Variants in LRP1B observed in about 807,000 individuals in gnomAD.
The protein encoded by LRP1B is low-density lipoprotein receptor-related protein 1B.
A neutral mutation model predicts 556.6 loss-of-function variants in LRP1B; 217 were observed. That is an observed-to-expected ratio of 0.39 (90% CI 0.35 to 0.44). The LOEUF is 0.44. LRP1B is among the 20% of genes least tolerant of loss of function. The probability of loss-of-function intolerance (pLI) is 1.00; values close to 1 mark genes in which losing one functional copy is unlikely to be tolerated. For synonymous variants in LRP1B, 2,047 were observed against 1,865.8 expected (o/e 1.10, Z -2.50); for missense variants, 5,053 against 5,620.8 (o/e 0.90, Z 3.23).
intron 7 of LRP1B, 50 bp from the exon 8 acceptor site, chr2:141,062,323 C>A (rs192321836): frequency 3.2e-6 from 4 of 1,243,904 alleles, no homozygotes; most frequent in East Asian, 4.7e-5. Context: ...GAGGGAAGCA[C>A]GTTTGATGGA....
chr2:141,316,406 T>A (rs984736145), intron 3 of LRP1B, among the ~76,000 whole-genome samples: 16 of 152,200 alleles, frequency 1.1e-4, no homozygotes, highest in African/African-American at 3.6e-4. Flanking sequence ...GCTCAGAGTT[T>A]TCAATATCCT....
At chr2:140,249,657 T>C (rs2104904038) in intron 86 of LRP1B, among the ~76,000 whole-genome samples, 1 of 151,906 alleles carries the variant, frequency 6.6e-6, no homozygotes, top group East Asian at 1.9e-4. Context: ...TGGCCAAAGA[T>C]AAAATATGTT....
intron 6 of LRP1B, among the ~76,000 whole-genome samples, chr2:141,202,152 A>AC (rs1430935857): frequency 6.6e-6 from 1 of 151,802 alleles, no homozygotes; most frequent in Non-Finnish European, 1.5e-5. Context: ...TGTTGCCCCC[A>AC]CCTCATGCGT....
At chr2:141,645,507 T>C (rs1689528183) in intron 2 of LRP1B, among the ~76,000 whole-genome samples, 1 of 149,680 alleles carries the variant, frequency 6.7e-6, no homozygotes, top group Non-Finnish European at 1.5e-5. Context: ...GGTTTTGACT[T>C]TGTTTATTTT....
chr2:141,502,784 G>C (rs1260106454), intron 2 of LRP1B, among the ~76,000 whole-genome samples: 1 of 151,794 alleles, frequency 6.6e-6, no homozygotes, highest in Admixed American at 6.6e-5. Flanking sequence ...GGTTGAACCC[G>C]GGAGGCGGAG....
At chr2:141,795,378 G>A (rs1256118463) in intron 2 of LRP1B, among the ~76,000 whole-genome samples, 1 of 152,000 alleles carries the variant, frequency 6.6e-6, no homozygotes, top group East Asian at 1.9e-4. Context: ...GTGTGTACAT[G>A]CATGTGTGTG....
chr2:141,231,377 G>A (rs191395446), intron 5 of LRP1B, among the ~76,000 whole-genome samples: 135 of 152,230 alleles, frequency 8.9e-4, no homozygotes, highest in Non-Finnish European at 1.7e-3. Flanking sequence ...TTCATGCATT[G>A]GCATTTTTAT....
intron 3 of LRP1B, among the ~76,000 whole-genome samples, chr2:141,295,618 A>G (rs191164100): frequency 6.6e-6 from 1 of 152,238 alleles, no homozygotes; most frequent in Non-Finnish European, 1.5e-5. Context: ...GAGATTCAGT[A>G]GGACACTGGT....
rs568766362 is a variant in LRP1B at position 141,121,539 on chromosome 2, CA to C, written c.1014-59267del. ...ATAAAATACCTAGGAATCCAACTTA[CA>C]AGGGATGTGAAGGACCTCTTCAAGG... On this transcript the variant is annotated intron_variant, in intron 7 of 90. Transcript: ENST00000389484. 9.2e-5 allele frequency among the ~76,000 whole-genome samples: 14 copies of C among 152,088 alleles called. No homozygotes were observed. The South Asian group carries it at 1.9e-3, about 20-fold the overall frequency.
At chr2:141,060,636 G>A (rs557815583) in intron 8 of LRP1B, among the ~76,000 whole-genome samples, 1 of 151,824 alleles carries the variant, frequency 6.6e-6, no homozygotes, top group East Asian at 2.0e-4. Context: ...TAACCCAGGA[G>A]AAAAAGCCTG....
intron 2 of LRP1B, among the ~76,000 whole-genome samples, chr2:141,687,951 A>T (rs1049126955): frequency 1.3e-5 from 2 of 151,758 alleles, no homozygotes; most frequent in African/African-American, 4.8e-5. Flanking sequence ...ACATTTGCTC[A>T]AATGTAATTT....
intron 57 of LRP1B, among the ~76,000 whole-genome samples, chr2:140,487,942 T>C (rs1225377487): frequency 6.6e-6 from 1 of 152,022 alleles, no homozygotes; most frequent in East Asian, 1.9e-4. Context: ...ACTATATTAA[T>C]TTGAAAATAT....
At chr2:141,332,598 G>T (rs1475240394) in intron 3 of LRP1B, among the ~76,000 whole-genome samples, 2 of 151,632 alleles carry the variant, frequency 1.3e-5, no homozygotes, top group Admixed American at 6.6e-5. Context: ...CACTGTTCTG[G>T]GTTCTGTCTG....
At chr2:141,612,604 C>G (rs1185507369) in intron 2 of LRP1B, among the ~76,000 whole-genome samples, 1 of 151,988 alleles carries the variant, frequency 6.6e-6, no homozygotes, top group African/African-American at 2.4e-5. Context: ...AGAAATACAC[C>G]CAAAGTTACC....
Position 141,049,157 on chromosome 2 carries a change from A to G in LRP1B, c.1618T>C (p.Leu540=). ...TATTCATCAGCTATCTTGGTATTCA[A>G]GTCCATTCCTCTAACAATTCCTGGG... The part of the protein sequence containing the change: ...GRPGIVRGMD[L]NTKIADEYMI... Residue 540 remains leucine (L), a synonymous_variant, in exon 11 of 91, where the codon TTG becomes CTG. Transcript: ENST00000389484. The G allele has an allele frequency of 6.2e-7, 1 of 1,613,604 alleles. No individual in the cohort carries two copies. Among genetic ancestry groups the G allele is most frequent in the Admixed American group, 1.7e-5 (1 of 59,920 alleles).
chr2:141,474,664 G>A (rs1307465796), intron 3 of LRP1B, among the ~76,000 whole-genome samples: 3 of 152,036 alleles, frequency 2.0e-5, no homozygotes, highest in Non-Finnish European at 4.4e-5. Context: ...TTAAGGAGTT[G>A]GTTGTTATAT....
chr2:141,434,727 A>T (rs1680690308), intron 3 of LRP1B, among the ~76,000 whole-genome samples: 1 of 148,340 alleles, frequency 6.7e-6, no homozygotes, highest in South Asian at 2.3e-4. Context: ...CTTCATACGA[A>T]TCCTAGCTGG....
intron 21 of LRP1B, among the ~76,000 whole-genome samples, chr2:140,910,104 A>T (rs1309342888): frequency 6.6e-6 from 1 of 151,408 alleles, no homozygotes; most frequent in Non-Finnish European, 1.5e-5. Flanking sequence ...ACCAAAACAA[A>T]AAACAAAACA....
chr2:141,048,683 C>G (rs1361305503), intron 11 of LRP1B, among the ~76,000 whole-genome samples: 1 of 152,014 alleles, frequency 6.6e-6, no homozygotes, highest in Non-Finnish European at 1.5e-5. Flanking sequence ...TACCATACAG[C>G]ACTGTAAACA....
Sources: allele counts gnomAD v4.1 joint callset (sites outside exome capture counted in the v4.1 genomes callset), GRCh38; gene constraint gnomAD v4.1.1; transcripts MANE v1.5; gene names NCBI Gene and HGNC (gene_info 2026-07-23, HGNC 2026-07-21).